The following DMGDH variants were observed in gnomAD, a reference collection of about 807,000 sequenced individuals.
DMGDH encodes the protein dimethylglycine dehydrogenase, mitochondrial.
A neutral mutation model predicts 95.2 loss-of-function variants in DMGDH; 76 were observed. The observed-to-expected ratio is 0.80, with a 90% confidence interval of 0.66 to 0.97. DMGDH has a LOEUF of 0.97. Among genes scored for constraint, DMGDH ranks in the 50% least tolerant of loss-of-function variants. DMGDH has a pLI of 0.00. For synonymous variants in DMGDH, 345 were observed against 377.6 expected, an observed-to-expected ratio of 0.91 and a Z score of 1.00; for missense variants, 987 against 1,055.0, an observed-to-expected ratio of 0.94 and a Z score of 0.89.
At chr5:79,044,170 C>T (rs1361773199) in intron 6 of DMGDH, 134 bp downstream of exon 6, 8 of 1,289,066 alleles carry the variant, frequency 6.2e-6, no homozygotes, top group Non-Finnish European at 8.9e-6. Context: ...CACCTCAAAC[C>T]TGTCACCTCC....
chr5:79,012,161 A>T (rs1421885925), intron 14 of DMGDH, among the ~76,000 whole-genome samples: 1 of 152,214 alleles, frequency 6.6e-6, no homozygotes, highest in African/African-American at 2.4e-5. Context: ...TGGGGATACA[A>T]GCACTGGGTA....
At chr5:79,000,785 C>T (rs1753438819) in intron 15 of DMGDH, 1 of 634,820 alleles carries the variant, frequency 1.6e-6, no homozygotes. Context: ...AGAAACTTAG[C>T]CTGGATCCCA....
chr5:79,006,848 C>CA (rs1561206459), intron 14 of DMGDH, among the ~76,000 whole-genome samples: 42 of 127,800 alleles, frequency 3.3e-4, no homozygotes, highest in South Asian at 2.3e-4. Flanking sequence ...ACCTGAGACC[C>CA]CCCCAGTCCA....
intron 7 of DMGDH, among the ~76,000 whole-genome samples, chr5:79,033,853 G>C (rs1754263500): frequency 6.6e-6 from 1 of 152,144 alleles, no homozygotes; most frequent in Admixed American, 6.5e-5. Flanking sequence ...GATAACTTGA[G>C]CCTAGGCGGT....
chr5:79,011,683 T>C (rs1753650069), intron 14 of DMGDH, among the ~76,000 whole-genome samples: 1 of 152,094 alleles, frequency 6.6e-6, no homozygotes, highest in Non-Finnish European at 1.5e-5. Flanking sequence ...GTTAGAATCA[T>C]GGTGGAAGGC....
intron 6 of DMGDH, among the ~76,000 whole-genome samples, 167 bp from the exon 7 acceptor site, chr5:79,042,648 C>A (rs1169607451): frequency 6.6e-6 from 1 of 152,004 alleles, no homozygotes; most frequent in African/African-American, 2.4e-5. Flanking sequence ...AGATGAGTAT[C>A]CATTTATATT....
chr5:79,033,692 C>T (rs1338502403), intron 7 of DMGDH, among the ~76,000 whole-genome samples: 2 of 152,148 alleles, frequency 1.3e-5, no homozygotes, highest in Non-Finnish European at 2.9e-5. Flanking sequence ...ACCTGTAATC[C>T]CAGCACTTTG....
chr5:79,004,785 C>T (rs1481469024), intron 15 of DMGDH, among the ~76,000 whole-genome samples: 1 of 152,110 alleles, frequency 6.6e-6, no homozygotes, highest in Admixed American at 6.5e-5. Flanking sequence ...CCTGAAGAAC[C>T]AAATGGTTTC....
At chr5:79,012,636 T>A (rs1580186278) in intron 14 of DMGDH, among the ~76,000 whole-genome samples, 2 of 152,334 alleles carry the variant, frequency 1.3e-5, no homozygotes, top group East Asian at 3.9e-4. Context: ...TTTCCATACA[T>A]CTTCTGAAAT....
At chr5:79,036,537 C>G (rs955231964) in intron 7 of DMGDH, among the ~76,000 whole-genome samples, 1 of 152,038 alleles carries the variant, frequency 6.6e-6, no homozygotes, top group African/African-American at 2.4e-5. Flanking sequence ...TGTTAGTTAC[C>G]TAGAAGCAGA....
chr5:79,032,938 G>T, intron 8 of DMGDH, 98 bp from the exon 9 acceptor site: 1 of 1,447,528 alleles, frequency 6.9e-7, no homozygotes, highest in Non-Finnish European at 9.6e-7. Flanking sequence ...TTAAAATCCA[G>T]ATGCATAAAC....
intron 7 of DMGDH, among the ~76,000 whole-genome samples, chr5:79,034,240 A>C (rs1332464990): frequency 6.6e-6 from 1 of 152,192 alleles, no homozygotes; most frequent in Non-Finnish European, 1.5e-5. Flanking sequence ...TTGAGCCATT[A>C]TCTTAGAAAC....
Position 79,068,345 on chromosome 5 carries a change from T to C in DMGDH, c.101+1175A>G, listed in dbSNP as rs112684917. ...TTATTATAAATATTTTTGCATTGCT[T>C]TACAATTTACAAAGCACTTTCACAT... On this transcript the variant is annotated intron_variant, in intron 1 of 15. Transcript: ENST00000255189. 7.6e-3 allele frequency among the ~76,000 whole-genome samples: 1,155 copies of C among 152,340 alleles called. 10 individuals are homozygous for C. The highest frequency in any genetic ancestry group is 0.026 in the African/African-American group (1,083 of 41,564).
chr5:79,024,227 A>T (rs979560186), intron 14 of DMGDH, 44 bp downstream of exon 14: 2 of 1,547,644 alleles, frequency 1.3e-6, no homozygotes, highest in Non-Finnish European at 8.9e-7. Context: ...ATAGCATCAT[A>T]ATGTTAAGAT....
intron 7 of DMGDH, among the ~76,000 whole-genome samples, chr5:79,037,331 C>T (rs1170006920): frequency 1.3e-5 from 2 of 152,152 alleles, no homozygotes; most frequent in African/African-American, 2.4e-5. Flanking sequence ...TGCTTTTTAA[C>T]GTGCTCCTCA....
intron 9 of DMGDH, among the ~76,000 whole-genome samples, 195 bp downstream of exon 9, chr5:79,032,492 A>G (rs1754207365): frequency 6.6e-6 from 1 of 152,238 alleles, no homozygotes; most frequent in African/African-American, 2.4e-5. Flanking sequence ...GGGTCACGTG[A>G]GTCCTAGATG....
At chr5:79,003,167 G>A (rs80294315) in intron 15 of DMGDH, among the ~76,000 whole-genome samples, 10,156 of 152,212 alleles carry the variant, frequency 0.067, 374 homozygotes, top group Non-Finnish European at 0.077. Context: ...AGTGTAGACT[G>A]TATTAAGAAG....
chr5:79,005,472 A>G (rs1160205151), intron 14 of DMGDH, 65 bp from the exon 15 acceptor site: 5 of 1,604,296 alleles, frequency 3.1e-6, no homozygotes, highest in Non-Finnish European at 4.3e-6. Flanking sequence ...TTAGAGATGC[A>G]AGCATTTAAA....
chr5:79,004,127 G>A (rs542305399), intron 15 of DMGDH, among the ~76,000 whole-genome samples: 76 of 152,226 alleles, frequency 5.0e-4, no homozygotes, highest in African/African-American at 1.7e-3. Context: ...CACTGGCCAC[G>A]TAACCTCAAG....
Sources: gnomAD v4.1 joint callset for allele counts (sites outside exome capture counted in the v4.1 genomes callset) on GRCh38, gnomAD v4.1.1 for gene constraint, MANE v1.5 for transcripts, NCBI Gene and HGNC (gene_info 2026-07-23, HGNC 2026-07-21) for gene names.